Variants in RPS6KA2 observed in about 807,000 individuals in gnomAD.
RPS6KA2 encodes ribosomal protein S6 kinase alpha-2.
In RPS6KA2, 42 loss-of-function variants were observed where a neutral mutation model predicts 91.8. The ratio of observed to expected loss-of-function variants is 0.46; its 90% CI spans 0.36 to 0.59. The LOEUF (loss-of-function observed/expected upper bound fraction) is 0.59. Ranked by LOEUF, RPS6KA2 falls within the 20% of genes least tolerant of loss-of-function variation. The probability of loss-of-function intolerance (pLI) is 0.00; values close to 1 mark genes in which losing one functional copy is unlikely to be tolerated. For synonymous variants in RPS6KA2, 414 were observed against 393.6 expected (o/e 1.05, Z -0.61); for missense variants, 798 against 978.5 (o/e 0.82, Z 2.46).
intron 12 of RPS6KA2, among the ~76,000 whole-genome samples, chr6:166,457,673 TGGGTCAGGAGCTGGCCTAGGCCCATC>T (rs931586704): frequency 2.0e-5 from 3 of 152,178 alleles, no homozygotes; most frequent in African/African-American, 7.2e-5. Context: ...CAATGTGGCC[TGGGTCAGGAGCTGGCCTAGGCCCATC>T]AAAAGTCCCG....
intron 2 of RPS6KA2, among the ~76,000 whole-genome samples, chr6:166,636,515 C>T (rs143836739): frequency 6.6e-6 from 1 of 152,334 alleles, no homozygotes; most frequent in East Asian, 1.9e-4. Flanking sequence ...TCTTCCTTTT[C>T]TCCTCCTCCA....
At chr6:166,453,299 C>T (rs1779978101) in intron 12 of RPS6KA2, among the ~76,000 whole-genome samples, 1 of 151,936 alleles carries the variant, frequency 6.6e-6, no homozygotes, top group Admixed American at 6.6e-5. Context: ...AATGGGAGAA[C>T]ATATTTGCAA....
chr6:166,629,524 C>T (rs557423657), upstream of RPS6KA2, among the ~76,000 whole-genome samples: 1 of 152,306 alleles, frequency 6.6e-6, no homozygotes, highest in East Asian at 1.9e-4. Flanking sequence ...TACACGTATA[C>T]CAAAATCTCT....
intron 2 of RPS6KA2, among the ~76,000 whole-genome samples, chr6:166,710,410 A>G (rs1410326671): frequency 6.6e-6 from 1 of 152,042 alleles, no homozygotes; most frequent in Admixed American, 6.5e-5. Context: ...TAAAATATGT[A>G]TATATGCATG....
chr6:166,587,508 C>T (rs1165881415), intron 1 of RPS6KA2, among the ~76,000 whole-genome samples: 1 of 152,132 alleles, frequency 6.6e-6, no homozygotes, highest in Non-Finnish European at 1.5e-5. Context: ...GCATGTAAAA[C>T]TCCCAGAACA....
chr6:166,853,566 T>C lies in RPS6KA2; in HGVS notation c.123+4634A>G, dbSNP rs142575070. ...CCTCCCAACCGCCCAGCACAGCAGC[T>C]CAGAGGAGGCTGGCCGAGCGCAGCC... On this transcript the variant is annotated intron_variant, in intron 2 of 21. Coordinates refer to the RPS6KA2 transcript ENST00000503859. Among the ~76,000 whole-genome samples the C allele has an allele frequency of 2.4e-4, 37 of 152,260 alleles. No individual in the cohort carries two copies. The East Asian group carries it at 6.4e-3, about 26-fold the overall frequency.
chr6:166,540,511 C>T (rs1473382451), intron 1 of RPS6KA2, among the ~76,000 whole-genome samples: 1 of 152,128 alleles, frequency 6.6e-6, no homozygotes, highest in Non-Finnish European at 1.5e-5. Context: ...TTTAATCCAT[C>T]CTGAAGTTCA....
chr6:166,476,699 C>T (rs1225022582), intron 10 of RPS6KA2, among the ~76,000 whole-genome samples: 2 of 151,906 alleles, frequency 1.3e-5, no homozygotes, highest in South Asian at 2.1e-4. Context: ...GTCTACAGCT[C>T]GAGGGGACTC....
chr6:166,451,015 C>T lies in RPS6KA2; in HGVS notation c.1206+88G>A, dbSNP rs140747744. ...CCACCCATCCTAAGCACCCAACCCCCGGGTGACTGAGGCCACAGGGAACAC... is the reference window on the plus strand; with the variant it reads ...CCACCCATCCTAAGCACCCAACCCCTGGGTGACTGAGGCCACAGGGAACAC... On this transcript the variant is annotated intron_variant, in intron 13 of 20. Transcript: ENST00000265678. 1.2e-4 allele frequency: 181 copies of T among 1,531,036 alleles called. No individual in the cohort carries two copies. In the East Asian group the frequency reaches 2.6e-3, roughly 22 times the overall value. 94.8% of individuals were successfully genotyped at this position (1,531,036 alleles called of 1,614,324 possible). A position where few individuals can be genotyped will look rare whatever the true frequency, so the allele number is the denominator to read the frequency against.
At position 166,563,965 on chromosome 6, in the gene RPS6KA2, G is replaced by GCAGATGT. The variant is rs1462708808; in HGVS notation, c.100-25188_100-25182dup. Among the ~76,000 whole-genome samples, 14 of 152,168 alleles carry GCAGATGT rather than the reference G, an allele frequency of 9.2e-5. No individual in the cohort carries two copies. The highest frequency in any genetic ancestry group is 1.8e-4 in the Non-Finnish European group (12 of 68,034). On this transcript the variant is annotated intron_variant, in intron 1 of 20. Coordinates refer to ENST00000265678, the MANE Select transcript of RPS6KA2 (RefSeq NM_021135.6). The surrounding 1 kb of genome is among the most constrained non-coding windows in gnomAD (Gnocchi z 4.1). ...CTCCGTGTCTCAGCATGAAGAAATG[G>GCAGATGT]CAGATGTCAGATGTCAGCGCTGCCA...
At position 166,411,385 on chromosome 6, in the gene RPS6KA2, G is replaced by A. The variant is rs1273616728; in HGVS notation, c.*1377C>T. ...GTGATGCAGGGTGAGGGGCTGAGCG[G>A]CGCCTCCTCCCATCTAGTCTGCTTG... On this transcript the variant is annotated 3_prime_UTR_variant, in exon 21 of 21. Transcript: ENST00000265678. The surrounding 1 kb of genome is among the most constrained non-coding windows in gnomAD (Gnocchi z 4.5). 1 of 152,076 alleles carries A rather than the reference G, an allele frequency of 6.6e-6. No homozygotes were observed. Among genetic ancestry groups the A allele is most frequent in the Non-Finnish European group, 1.5e-5 (1 of 68,010 alleles). 9.4% of individuals were successfully genotyped at this position (152,076 alleles called of 1,614,324 possible).
At chr6:166,497,569 C>T (rs372075998) in intron 8 of RPS6KA2, among the ~76,000 whole-genome samples, 186 of 152,348 alleles carry the variant, frequency 1.2e-3, no homozygotes, top group African/African-American at 4.0e-3. Flanking sequence ...GGGCTGAGGC[C>T]GGAGCCTGGA....
exon 1 of RPS6KA2, chr6:166,862,499 G>C (rs907176263): frequency 1.6e-6 from 1 of 606,364 alleles, no homozygotes; most frequent in Non-Finnish European, 2.5e-6. Context: ...TGCGGCTTCG[G>C]AATCTGTACT....
At chr6:166,575,277 C>T (rs189168933) in intron 1 of RPS6KA2, among the ~76,000 whole-genome samples, 9 of 152,308 alleles carry the variant, frequency 5.9e-5, no homozygotes, top group Admixed American at 5.2e-4. Flanking sequence ...AAGCATAACA[C>T]GAGGCTATGT....
At chr6:166,464,348 G>A (rs909448999) in intron 11 of RPS6KA2, among the ~76,000 whole-genome samples, 2 of 152,288 alleles carry the variant, frequency 1.3e-5, no homozygotes, top group East Asian at 3.9e-4. Context: ...CAGCATCACA[G>A]CTAATGGTGT....
At chr6:166,783,704 ATG>A (rs1234839881) in intron 2 of RPS6KA2, among the ~76,000 whole-genome samples, 1 of 151,982 alleles carries the variant, frequency 6.6e-6, no homozygotes, top group Non-Finnish European at 1.5e-5. Context: ...CTACATATAT[ATG>A]TGAACACTTA....
At chr6:166,439,100 T>TAA (rs1779436095) in intron 14 of RPS6KA2, among the ~76,000 whole-genome samples, 1 of 135,866 alleles carries the variant, frequency 7.4e-6, no homozygotes, top group Non-Finnish European at 1.7e-5. Flanking sequence ...TGTCTTTATT[T>TAA]TTAATTAATT....
intron 2 of RPS6KA2, among the ~76,000 whole-genome samples, chr6:166,856,374 G>A (rs1426649249): frequency 6.6e-6 from 1 of 152,148 alleles, no homozygotes; most frequent in African/African-American, 2.4e-5. Flanking sequence ...ACCAGAAAGT[G>A]TGCCTTCACC....
In RPS6KA2 at chr6:166,598,214, G is replaced by A. The variant is rs144185032; in HGVS notation, c.99+28707C>T. On this transcript the variant is annotated intron_variant, in intron 1 of 20. Coordinates refer to ENST00000265678, the MANE Select transcript of RPS6KA2 (RefSeq NM_021135.6). ...GTGGGGCCAAATTGGAGCACAGGACGGCATTTGTTGAACCGTTCTGATTTC... is the reference window on the plus strand; with the variant it reads ...GTGGGGCCAAATTGGAGCACAGGACAGCATTTGTTGAACCGTTCTGATTTC... Among the ~76,000 whole-genome samples the A allele has an allele frequency of 4.6e-5, 7 of 152,324 alleles. No individual in the cohort carries two copies. The East Asian group carries it at 5.8e-4, about 13-fold the overall frequency.
Sources: allele counts gnomAD v4.1 joint callset (sites outside exome capture counted in the v4.1 genomes callset), GRCh38; gene constraint gnomAD v4.1.1; non-coding constraint Gnocchi (gnomAD v3.1); transcripts MANE v1.5; gene names NCBI Gene and HGNC (gene_info 2026-07-23, HGNC 2026-07-21).